The following ARHGAP26 variants were observed in gnomAD, a reference collection of about 807,000 sequenced individuals.
ARHGAP26 encodes Rho GTPase activating protein 26.
ARHGAP26 carries 38 observed loss-of-function variants against 104.8 expected under a neutral mutation model. The ratio of observed to expected loss-of-function variants is 0.36; its 90% CI spans 0.28 to 0.48. The LOEUF (loss-of-function observed/expected upper bound fraction) is 0.48, where lower values mean the gene tolerates loss of function less well. Among genes scored for constraint, ARHGAP26 ranks in the 20% least tolerant of loss-of-function variants. The pLI, the probability that ARHGAP26 is intolerant of heterozygous loss-of-function variation, is 0.99. For missense variants in ARHGAP26, 704 were observed against 947.9 expected, an observed-to-expected ratio of 0.74 and a Z score of 3.38; for synonymous variants, 341 against 340.0, an observed-to-expected ratio of 1.00 and a Z score of -0.03.
chr5:142,928,155 G>C (rs1023341506), intron 10 of ARHGAP26, among the ~76,000 whole-genome samples: 11 of 150,952 alleles, frequency 7.3e-5, no homozygotes, highest in African/African-American at 2.7e-4. Context: ...CTTTTGATGA[G>C]TGTAAGTTCT....
chr5:143,138,328 A>G (rs1798131289), intron 19 of ARHGAP26, among the ~76,000 whole-genome samples: 1 of 152,172 alleles, frequency 6.6e-6, no homozygotes, highest in Non-Finnish European at 1.5e-5. Flanking sequence ...TAGGAGTGAA[A>G]TGGGAGCAGC....
At chr5:142,925,993 A>T (rs888828301) in intron 10 of ARHGAP26, among the ~76,000 whole-genome samples, 1 of 152,188 alleles carries the variant, frequency 6.6e-6, no homozygotes, top group Non-Finnish European at 1.5e-5. Context: ...TAAATTGCCA[A>T]ACCACTGAGA....
At chr5:142,860,714 C>T (rs182911195) in intron 1 of ARHGAP26, among the ~76,000 whole-genome samples, 37 of 152,348 alleles carry the variant, frequency 2.4e-4, no homozygotes, top group African/African-American at 7.7e-4. Flanking sequence ...CTGCTGTCAC[C>T]TAGCTTTCTT....
intron 1 of ARHGAP26, among the ~76,000 whole-genome samples, chr5:142,784,278 G>A (rs1758098887): frequency 6.6e-6 from 1 of 152,232 alleles, no homozygotes; most frequent in Non-Finnish European, 1.5e-5. Context: ...GAGTGGAACT[G>A]ATAGCTTTTG....
At chr5:143,159,488 C>T (rs1029639907) in intron 20 of ARHGAP26, among the ~76,000 whole-genome samples, 2 of 152,158 alleles carry the variant, frequency 1.3e-5, no homozygotes, top group South Asian at 2.1e-4. Flanking sequence ...TTCAAAGGCA[C>T]ATTAAAGGGG....
At chr5:143,205,526 A>G (rs958751161) in intron 20 of ARHGAP26, among the ~76,000 whole-genome samples, 5 of 152,332 alleles carry the variant, frequency 3.3e-5, no homozygotes, top group Admixed American at 2.6e-4. Context: ...TATCTAAAGG[A>G]AACACATGAA....
At chr5:143,132,002 C>T (rs748984257) in intron 18 of ARHGAP26, among the ~76,000 whole-genome samples, 5 of 152,066 alleles carry the variant, frequency 3.3e-5, no homozygotes, top group Non-Finnish European at 5.9e-5. Flanking sequence ...TCCAGCTGCT[C>T]GGGAAGTTAG....
At chr5:142,955,742 A>C (rs1194314606) in intron 11 of ARHGAP26, among the ~76,000 whole-genome samples, 1 of 152,238 alleles carries the variant, frequency 6.6e-6, no homozygotes, top group East Asian at 1.9e-4. Context: ...TTAGGCCTTT[A>C]ATAGGGAAAA....
rs199763736 is a variant in ARHGAP26, at chr5:143,204,066, AT to A, written c.1989-3130del. ...CATGTATCCCAGAACTTAAAGTATA[AT>A]TAAAAAAAAAAAAATCACAGAAGTA... On this transcript the variant is annotated intron_variant, in intron 20 of 22. Coordinates refer to ENST00000645722, the MANE Select transcript of ARHGAP26 (RefSeq NM_001135608.3). Among the ~76,000 whole-genome samples, 1,187 of 141,804 alleles carry A rather than the reference AT, an allele frequency of 8.4e-3. 14 individuals carry two copies. Among genetic ancestry groups the A allele is most frequent in the African/African-American group, 0.035 (1,110 of 31,396 alleles). 93.0% of individuals were successfully genotyped at this position (141,804 alleles called of 152,430 possible). A position where few individuals can be genotyped will look rare whatever the true frequency, so the allele number is the denominator to read the frequency against.
At chr5:142,993,070 C>T (rs1232573594) in intron 11 of ARHGAP26, among the ~76,000 whole-genome samples, 1 of 151,912 alleles carries the variant, frequency 6.6e-6, no homozygotes, top group African/African-American at 2.4e-5. Flanking sequence ...CAACCTCCAC[C>T]TCCCAGGTTC....
chr5:143,197,915 C>T (rs916906402), intron 20 of ARHGAP26, among the ~76,000 whole-genome samples: 3 of 152,026 alleles, frequency 2.0e-5, no homozygotes, highest in African/African-American at 7.3e-5. Context: ...TCGTATAGGC[C>T]CATGATAAAT....
chr5:143,055,547 G>A (rs897422777), intron 15 of ARHGAP26, among the ~76,000 whole-genome samples: 1 of 152,184 alleles, frequency 6.6e-6, no homozygotes, highest in East Asian at 1.9e-4. Context: ...CATACCTAAT[G>A]TTAGGGGTTC....
intron 13 of ARHGAP26, among the ~76,000 whole-genome samples, chr5:143,041,062 G>T (rs1330118408): frequency 6.6e-6 from 1 of 152,218 alleles, no homozygotes; most frequent in Non-Finnish European, 1.5e-5. Flanking sequence ...CTTGAGAGGG[G>T]TCAGATATGA....
At chr5:142,841,413 G>A (rs145939786) in intron 1 of ARHGAP26, among the ~76,000 whole-genome samples, 66 of 152,320 alleles carry the variant, frequency 4.3e-4, no homozygotes, top group African/African-American at 1.5e-3. Flanking sequence ...CATCATTGCC[G>A]TTACGTTTAC....
intron 22 of ARHGAP26, chr5:143,216,180 T>TC (rs1220986461): frequency 2.1e-6 from 1 of 471,362 alleles, no homozygotes; most frequent in Non-Finnish European, 4.4e-6. Flanking sequence ...GTCCTTTTTT[T>TC]CCCCAGCAGA....
intron 15 of ARHGAP26, 28 bp from the exon 16 acceptor site, chr5:143,056,000 C>T (rs753454411): frequency 2.0e-5 from 31 of 1,563,842 alleles, no homozygotes; most frequent in Non-Finnish European, 1.3e-5. Flanking sequence ...TATTATTAAG[C>T]TGACTAGCCT....
intron 1 of ARHGAP26, among the ~76,000 whole-genome samples, chr5:142,793,191 C>T (rs1262348502): frequency 6.6e-6 from 1 of 151,378 alleles, no homozygotes; most frequent in Non-Finnish European, 1.5e-5. Flanking sequence ...GGCTGGTCGC[C>T]AAGCAACCCT....
chr5:142,885,483 A>G, intron 5 of ARHGAP26, 84 bp downstream of exon 5: 1 of 1,280,260 alleles, frequency 7.8e-7, no homozygotes, highest in Non-Finnish European at 1.1e-6. Flanking sequence ...CTTTGCTAGA[A>G]AATCTTAGGG....
chr5:142,949,105 A>C (rs252231), intron 11 of ARHGAP26, among the ~76,000 whole-genome samples: 29,354 of 120,016 alleles, frequency 0.24, 4,109 homozygotes, highest in East Asian at 0.68. Flanking sequence ...ACTCCGTCTC[A>C]AAAAAAAAAA....
Sources: gnomAD v4.1 joint callset for allele counts (sites outside exome capture counted in the v4.1 genomes callset) on GRCh38, gnomAD v4.1.1 for gene constraint, MANE v1.5 for transcripts, NCBI Gene and HGNC (gene_info 2026-07-23, HGNC 2026-07-21) for gene names.